Variants in PREX2 observed in about 807,000 individuals in gnomAD.
PREX2 encodes phosphatidylinositol-3,4,5-trisphosphate dependent Rac exchange factor 2.
In PREX2, 107 loss-of-function variants were observed where a neutral mutation model predicts 203.2. The ratio of observed to expected loss-of-function variants is 0.53; its 90% CI spans 0.45 to 0.62. The LOEUF (loss-of-function observed/expected upper bound fraction) is 0.62. PREX2 is among the 20% of genes least tolerant of loss of function. The pLI is 0.00. For synonymous variants in PREX2, 672 were observed against 663.6 expected (o/e 1.01, Z -0.19); for missense variants, 1,777 against 1,955.9 (o/e 0.91, Z 1.72).
intron 1 of PREX2, among the ~76,000 whole-genome samples, chr8:67,967,873 T>A (rs962409487): frequency 2.6e-5 from 4 of 151,988 alleles, no homozygotes; most frequent in Non-Finnish European, 4.4e-5. Flanking sequence ...TAGGTGGGAA[T>A]TGAACAATGA....
chr8:68,063,893 G>A (rs1808938508), intron 11 of PREX2, among the ~76,000 whole-genome samples: 1 of 152,160 alleles, frequency 6.6e-6, no homozygotes, highest in Non-Finnish European at 1.5e-5. Context: ...AGTATCATTA[G>A]TATGAGGTTC....
chr8:68,193,537 T>C (rs371322720), intron 37 of PREX2, among the ~76,000 whole-genome samples: 1 of 152,136 alleles, frequency 6.6e-6, no homozygotes, highest in Non-Finnish European at 1.5e-5. Context: ...TGTAATATCA[T>C]AAAGTGTTCA....
At chr8:67,962,281 CT>C (rs1199271287) in intron 1 of PREX2, among the ~76,000 whole-genome samples, 4 of 152,092 alleles carry the variant, frequency 2.6e-5, no homozygotes, top group Non-Finnish European at 5.9e-5. Context: ...TGCTTTCATG[CT>C]TCCTAGGAGT....
intron 35 of PREX2, among the ~76,000 whole-genome samples, chr8:68,158,024 CTTTA>C (rs956847098): frequency 3.3e-5 from 5 of 150,278 alleles, no homozygotes; most frequent in African/African-American, 1.2e-4. Flanking sequence ...AATTCAAAAG[CTTTA>C]TTTGTCAACA....
intron 30 of PREX2, among the ~76,000 whole-genome samples, chr8:68,125,731 A>G (rs1161104305): frequency 6.6e-6 from 1 of 152,118 alleles, no homozygotes; most frequent in South Asian, 2.1e-4. Context: ...TCTGTTCCCT[A>G]TAAAGAAAAA....
chr8:68,138,547 T>A (rs1217703907), intron 33 of PREX2, 30 bp downstream of exon 33: 5 of 1,112,744 alleles, frequency 4.5e-6, no homozygotes, highest in Non-Finnish European at 6.7e-6. Flanking sequence ...CAAAATTTAT[T>A]TGGCATCAAA....
Position 68,143,172 on chromosome 8 carries a change from A to G in PREX2, c.4088-3037A>G, listed in dbSNP as rs192349600. Among the ~76,000 whole-genome samples the G allele has an allele frequency of 5.0e-3, 767 of 152,264 alleles. 5 individuals carry two copies. The highest frequency in any genetic ancestry group is 0.016 in the African/African-American group (684 of 41,554). ...GGATGTGTGTCCTTACCCAAATCTC[A>G]TGCTTAATTGTAATCCCCAGTGTTG... On this transcript the variant is annotated intron_variant, in intron 33 of 39. Transcript: ENST00000288368.
chr8:68,006,462 C>T (rs1236123995), intron 1 of PREX2, among the ~76,000 whole-genome samples: 6 of 152,168 alleles, frequency 3.9e-5, no homozygotes, highest in African/African-American at 9.7e-5. Flanking sequence ...AACCTTTCTT[C>T]ACAACCATTT....
intron 1 of PREX2, among the ~76,000 whole-genome samples, chr8:67,992,201 G>C (rs1375296453): frequency 1.3e-5 from 2 of 151,930 alleles, no homozygotes. Flanking sequence ...ATGCCATATT[G>C]GTCTTAAGGT....
chr8:68,192,217 T>C, intron 36 of PREX2, 118 bp from the exon 37 acceptor site: 1 of 736,412 alleles, frequency 1.4e-6, no homozygotes, highest in Non-Finnish European at 2.2e-6. Flanking sequence ...TAGTCTCTAA[T>C]TCCATTACCA....
intron 18 of PREX2, 64 bp from the exon 19 acceptor site, chr8:68,087,660 G>A (rs1020999765): frequency 4.4e-6 from 5 of 1,143,592 alleles, no homozygotes; most frequent in East Asian, 2.3e-5. Context: ...AGCTGTACAC[G>A]ACGATTATTT....
chr8:68,220,005 G>A (rs747628826), intron 38 of PREX2, among the ~76,000 whole-genome samples: 2 of 151,798 alleles, frequency 1.3e-5, no homozygotes, highest in African/African-American at 2.4e-5. Flanking sequence ...TTGCATTATC[G>A]AATTTGTATT....
At chr8:67,966,155 TG>T (rs1240090677) in intron 1 of PREX2, among the ~76,000 whole-genome samples, 1 of 152,216 alleles carries the variant, frequency 6.6e-6, no homozygotes, top group Non-Finnish European at 1.5e-5. Flanking sequence ...GATGAGGATT[TG>T]GGTCAGATTC....
Position 68,217,694 on chromosome 8 carries a change from G to A in PREX2, c.4683G>A (p.Gln1561=), listed in dbSNP as rs755807924. ...SHGLPPRYIM[Q]ATDVMRKQGA... is the part of the protein sequence containing the mutation. ...GACTGCCACCTCGTTACATCATGCA[G>A]GCTACAGATGTGATGCGGAAGCAGG... Residue 1561 remains glutamine (Q), a synonymous_variant, in exon 38 of 40, where the codon CAG becomes CAA. Transcript: ENST00000288368. 1.2e-6 allele frequency: 2 copies of A among 1,613,728 alleles called. No individual in the cohort carries two copies. Among genetic ancestry groups the A allele is most frequent in the South Asian group, 1.1e-5 (1 of 91,062 alleles).
chr8:68,098,596 T>C lies in PREX2; in HGVS notation c.2554-1086T>C, dbSNP rs568462543. On this transcript the variant is annotated intron_variant, in intron 22 of 39. Coordinates refer to ENST00000288368, the MANE Select transcript of PREX2 (RefSeq NM_024870.4). Reference sequence around the variant, plus strand: ...TAATTATTTTCTCATTTTCCAGCTATTTCAAGTTTGCAGAATTACATGGAT... The same window carrying C: ...TAATTATTTTCTCATTTTCCAGCTACTTCAAGTTTGCAGAATTACATGGAT... Among the ~76,000 whole-genome samples, 81 of 152,180 alleles carry C rather than the reference T, an allele frequency of 5.3e-4. 1 individual carries two copies. Among genetic ancestry groups the C allele is most frequent in the African/African-American group, 1.9e-3 (79 of 41,532 alleles).
chr8:68,161,097 C>T (rs898456424), intron 35 of PREX2, among the ~76,000 whole-genome samples: 1 of 149,730 alleles, frequency 6.7e-6, no homozygotes, highest in Admixed American at 6.7e-5. Context: ...TTCTTTCTTT[C>T]TTTTTTTTTG....
At chr8:68,216,968 C>CAAAAAAAA (rs59972334) in intron 37 of PREX2, among the ~76,000 whole-genome samples, 2 of 112,878 alleles carry the variant, frequency 1.8e-5, no homozygotes, top group South Asian at 2.5e-4. Flanking sequence ...CTCAAAAAAA[C>CAAAAAAAA]AAAAAAAAAA....
intron 33 of PREX2, among the ~76,000 whole-genome samples, chr8:68,139,056 T>G (rs530148023): frequency 6.6e-6 from 1 of 152,314 alleles, no homozygotes; most frequent in African/African-American, 2.4e-5. Context: ...CCAAGACTAT[T>G]CTTGGTGTTG....
At chr8:68,121,663 T>C (rs1810777208) in intron 30 of PREX2, among the ~76,000 whole-genome samples, 1 of 152,054 alleles carries the variant, frequency 6.6e-6, no homozygotes, top group Non-Finnish European at 1.5e-5. Context: ...TCAAAAATGA[T>C]TATGGTGGAA....
Sources: allele counts gnomAD v4.1 joint callset (sites outside exome capture counted in the v4.1 genomes callset), GRCh38; gene constraint gnomAD v4.1.1; transcripts MANE v1.5; gene names NCBI Gene and HGNC (gene_info 2026-07-23, HGNC 2026-07-21).